SLC5A5: variants seen among roughly 807,000 people sequenced by gnomAD.
SLC5A5 encodes solute carrier family 5 member 5.
SLC5A5 carries 56 observed loss-of-function variants against 68.6 expected under a neutral mutation model. The observed-to-expected ratio is 0.82, with a 90% CI of 0.66 to 1.02. The LOEUF is 1.02. SLC5A5 is among the 50% of genes least tolerant of loss of function. SLC5A5 has a pLI of 0.00. For missense variants in SLC5A5, 807 were observed against 859.8 expected (o/e 0.94, Z 0.77); for synonymous variants, 398 against 373.0 (o/e 1.07, Z -0.77).
intron 10 of SLC5A5, among the ~76,000 whole-genome samples, chr19:17,882,720 G>C (rs2094323653): frequency 6.6e-6 from 1 of 151,692 alleles, no homozygotes; most frequent in Non-Finnish European, 1.5e-5. Context: ...GTCTCGCTCT[G>C]TTGCCCAGGC....
intron 14 of SLC5A5, among the ~76,000 whole-genome samples, chr19:17,892,630 A>G (rs2030217222): frequency 6.7e-6 from 1 of 149,500 alleles, no homozygotes; most frequent in Non-Finnish European, 1.5e-5. Context: ...ACAGCCAGAC[A>G]CTGTCAGAAA....
At position 17,883,859 on chromosome 19, in the gene SLC5A5, G is replaced by A. The variant is rs749009323; in HGVS notation, c.1339G>A (p.Ala447Thr). The change falls in exon 12 of 15, where the codon GCG becomes ACG. Residue 447 changes from alanine (A) to threonine (T), a missense_variant. Coordinates refer to ENST00000222248, the MANE Select transcript of SLC5A5 (RefSeq NM_000453.3). ...CCGGCTCTGCCCCCAGGGCGTCCTCGCGGGACTAGGCGCGGGCTTGGCGCT... is the reference window on the plus strand; with the variant it reads ...CCGGCTCTGCCCCCAGGGCGTCCTCACGGGACTAGGCGCGGGCTTGGCGCT... ...LPACNTPGVL[A>T]GLGAGLALSL... 8.2e-6 allele frequency: 13 copies of A among 1,591,852 alleles called. No homozygotes were observed. Among genetic ancestry groups the A allele is most frequent in the South Asian group, 6.7e-5 (6 of 89,170 alleles).
chr19:17,875,587 A>C (rs1599911389), intron 4 of SLC5A5, among the ~76,000 whole-genome samples: 5 of 145,100 alleles, frequency 3.4e-5, no homozygotes, highest in East Asian at 2.2e-4. Context: ...ACATAGTGAG[A>C]CCCCCCCCCG....
chr19:17,887,539 G>A (rs1327122646), intron 12 of SLC5A5, among the ~76,000 whole-genome samples: 3 of 151,410 alleles, frequency 2.0e-5, no homozygotes, highest in East Asian at 3.9e-4. Context: ...GCCTGCCTCA[G>A]CCTCCCAAAG....
intron 12 of SLC5A5, among the ~76,000 whole-genome samples, chr19:17,886,014 C>A (rs1283877672): frequency 6.6e-6 from 1 of 151,932 alleles, no homozygotes. Context: ...GCATATGCCA[C>A]CACGCTTGGG....
chr19:17,872,990 G>T (rs1400479119), intron 1 of SLC5A5, among the ~76,000 whole-genome samples: 1 of 152,200 alleles, frequency 6.6e-6, no homozygotes, highest in Non-Finnish European at 1.5e-5. Context: ...ACCTGCCCGG[G>T]CGTGCAGACC....
intron 10 of SLC5A5, among the ~76,000 whole-genome samples, chr19:17,882,977 CCAG>C (rs1261525429): frequency 1.3e-5 from 2 of 152,104 alleles, no homozygotes; most frequent in Non-Finnish European, 2.9e-5. Flanking sequence ...GCCACCGCGC[CCAG>C]CTTATATTTT....
At chr19:17,876,443 A>AAAAAAAT (rs1555752055) in intron 5 of SLC5A5, among the ~76,000 whole-genome samples, 3 of 143,986 alleles carry the variant, frequency 2.1e-5, no homozygotes, top group African/African-American at 7.8e-5. Context: ...AAAAAAAAAA[A>AAAAAAAT]GAGGCTGGGT....
chr19:17,877,596 C>T (rs1224623962), intron 5 of SLC5A5, 127 bp from the exon 6 acceptor site: 4 of 1,220,344 alleles, frequency 3.3e-6, no homozygotes, highest in Non-Finnish European at 4.7e-6. Flanking sequence ...GCATGAGCCA[C>T]TGCGCCTGGC....
intron 4 of SLC5A5, among the ~76,000 whole-genome samples, 197 bp downstream of exon 4, chr19:17,874,928 T>C (rs1005495417): frequency 6.6e-6 from 1 of 152,194 alleles, no homozygotes; most frequent in Non-Finnish European, 1.5e-5. Context: ...CAGGCATGGC[T>C]GGATCCAGGC....
chr19:17,880,928 G>A lies in SLC5A5; in HGVS notation c.1033G>A (p.Ala345Thr), dbSNP rs1384921699. ...GCCTGGAGTCCCCGGGCTTTTCCTG[G>A]CCTGTGCTTACAGTGGCACCCTCAG... ...DLPGVPGLFL[A>T]CAYSGTLSTA... The change falls in exon 8 of 15, where the codon GCC (alanine) becomes ACC (threonine). Residue 345 changes from alanine to threonine, a missense_variant. Physicochemically the swap from Ala to Thr is moderately conservative, Grantham distance 58 (BLOSUM62 0). Transcript: ENST00000222248. 2 of 1,613,958 alleles carry A rather than the reference G, an allele frequency of 1.2e-6. No homozygotes were observed. The highest frequency in any genetic ancestry group is 2.2e-5 in the South Asian group (2 of 91,082).
chr19:17,891,315 C>T (rs1345887486), intron 14 of SLC5A5, among the ~76,000 whole-genome samples: 2 of 152,192 alleles, frequency 1.3e-5, no homozygotes, highest in Non-Finnish European at 2.9e-5. Flanking sequence ...AAGCGATTCT[C>T]CTGCCTCAGC....
intron 13 of SLC5A5, among the ~76,000 whole-genome samples, chr19:17,890,350 G>T (rs553086727): frequency 6.6e-5 from 10 of 152,232 alleles, no homozygotes; most frequent in Non-Finnish European, 1.2e-4. Context: ...GACTACAGGC[G>T]TGAGCCACCG....
Position 17,874,123 on chromosome 19 carries a change from A to G in SLC5A5, c.358-15A>G. On this transcript the variant is annotated splice_polypyrimidine_tract_variant and intron_variant, in intron 1 of 14. Transcript: ENST00000222248. ...GGTAAGGACTGTCCAGGTGACCTCG[A>G]GTCCCTCCTTGCAGTACCTGGAGAT... The G allele has an allele frequency of 1.9e-6, 3 of 1,600,332 alleles. No individual in the cohort carries two copies. In the South Asian group the frequency reaches 3.3e-5, roughly 18 times the overall value.
intron 2 of SLC5A5, 33 bp downstream of exon 2, chr19:17,874,236 G>T: frequency 6.7e-7 from 1 of 1,496,076 alleles, no homozygotes; most frequent in East Asian, 2.3e-5. Context: ...TCCGCTCAGG[G>T]CCCCGAGAGC....
chr19:17,893,900 G>A lies in SLC5A5; in HGVS notation c.*23G>A. 6.4e-7 allele frequency: 1 copy of A among 1,552,032 alleles called. No homozygotes were observed. The highest frequency in any genetic ancestry group is 8.7e-7 in the Non-Finnish European group (1 of 1,146,670). ...TGAGGACAGGGCCAGCCGCGGGACT[G>A]ACACCCTGGGATGGAACCTCAGGAT... On this transcript the variant is annotated 3_prime_UTR_variant, in exon 15 of 15. Transcript: ENST00000222248.
rs917250526 is a variant in SLC5A5, at chr19:17,883,918, C to T, written c.1398C>T (p.Tyr466=). 6.4e-7 allele frequency: 1 copy of T among 1,566,010 alleles called. No homozygotes were observed. Among genetic ancestry groups the T allele is most frequent in the Non-Finnish European group, 8.6e-7 (1 of 1,156,954 alleles). ...GGGTGGCCTTGGGCGCCACGCTGTA[C>T]CCACCCAGCGAGCAGACCATGAGGG... ...SLWVALGATL[Y]PPSEQTMRVL... is the part of the protein sequence containing the mutation. The change falls in exon 12 of 15, where the codon TAC becomes TAT. Residue 466 remains tyrosine, a synonymous_variant. Coordinates refer to ENST00000222248, the MANE Select transcript of SLC5A5 (RefSeq NM_000453.3).
Position 17,894,068 on chromosome 19 carries a change from G to C in SLC5A5, c.*191G>C. On this transcript the variant is annotated 3_prime_UTR_variant, in exon 15 of 15. Coordinates refer to ENST00000222248, the MANE Select transcript of SLC5A5 (RefSeq NM_000453.3). ...GGTCATTTTTTAAATCCAGCCCCTT[G>C]CTTCAACCGTCCCCAGTATTAGACG... is the stretch of plus-strand genomic sequence containing the variant. 1 of 614,226 alleles carries C rather than the reference G, an allele frequency of 1.6e-6. No homozygotes were observed. The highest frequency in any genetic ancestry group is 2.9e-6 in the Non-Finnish European group (1 of 347,612). 38.0% of individuals were successfully genotyped at this position (614,226 alleles called of 1,614,324 possible).
rs781537105 is a variant in SLC5A5 at position 17,888,344 on chromosome 19, G to A, written c.1540G>A (p.Ala514Thr). ...CCCAACCTGCAGCTCAGGAATGGAC[G>A]CCAGCCGACCCGCCTTAGCTGACAG... Reference protein sequence around the residue: ...SSRAPSSGMDASRPALADSFY... With the variant: ...SSRAPSSGMDTSRPALADSFY... The change falls in exon 13 of 15, where the codon GCC becomes ACC. Residue 514 changes from alanine to threonine, a missense_variant. Ala to Thr is a moderately conservative substitution (Grantham distance 58, BLOSUM62 0). Transcript: ENST00000222248. The A allele has an allele frequency of 8.7e-6, 14 of 1,613,808 alleles. No homozygotes were observed. Among genetic ancestry groups the A allele is most frequent in the African/African-American group, 8.0e-5 (6 of 74,998 alleles).
Sources: allele counts gnomAD v4.1 joint callset (sites outside exome capture counted in the v4.1 genomes callset), GRCh38; gene constraint gnomAD v4.1.1; transcripts MANE v1.5; gene names NCBI Gene and HGNC (gene_info 2026-07-23, HGNC 2026-07-21).